Variants in CLPX observed in about 807,000 individuals in gnomAD.
CLPX encodes ATP-dependent clpX-like chaperone, mitochondrial.
CLPX carries 34 observed loss-of-function variants against 76.4 expected under a neutral mutation model. The observed-to-expected ratio is 0.45, with a 90% CI of 0.34 to 0.59. CLPX has a LOEUF of 0.59. Among genes scored for constraint, CLPX ranks in the 20% least tolerant of loss-of-function variants. CLPX has a pLI of 0.01. For synonymous variants in CLPX, 248 were observed against 270.9 expected, an observed-to-expected ratio of 0.92 and a Z score of 0.83; for missense variants, 613 against 757.0, an observed-to-expected ratio of 0.81 and a Z score of 2.23.
At chr15:65,173,773 T>TAC (rs2088046958) in intron 3 of CLPX, among the ~76,000 whole-genome samples, 3 of 152,210 alleles carry the variant, frequency 2.0e-5, no homozygotes, top group East Asian at 3.8e-4. Context: ...AAGGCTGGTA[T>TAC]GAAATGCCAC....
chr15:65,165,382 T>C (rs1441091527), intron 4 of CLPX, among the ~76,000 whole-genome samples: 3 of 137,404 alleles, frequency 2.2e-5, no homozygotes, highest in East Asian at 4.4e-4. Context: ...TGGATTTTTT[T>C]TTTTTTTTTT....
chr15:65,152,571 A>C, intron 12 of CLPX, 35 bp from the exon 13 acceptor site: 1 of 1,188,508 alleles, frequency 8.4e-7, no homozygotes, highest in Non-Finnish European at 1.2e-6. Flanking sequence ...CACATTGAAA[A>C]CAGATTACAT....
At chr15:65,157,651 A>T in intron 8 of CLPX, 95 bp downstream of exon 8, 1 of 1,139,386 alleles carries the variant, frequency 8.8e-7, no homozygotes, top group Non-Finnish European at 1.2e-6. Context: ...ACAGAATTTT[A>T]GTCCTTGACT....
At chr15:65,157,062 G>A (rs1363814893) in intron 8 of CLPX, 130 bp from the exon 9 acceptor site, 1 of 589,606 alleles carries the variant, frequency 1.7e-6, no homozygotes, top group East Asian at 2.9e-5. Flanking sequence ...CCAATAGCTT[G>A]ACATTATAAA....
Position 65,157,745 on chromosome 15 carries a change from C to T in CLPX, c.1057+1G>A. 1 of 1,612,186 alleles carries T rather than the reference C, an allele frequency of 6.2e-7. No individual in the cohort carries two copies. On this transcript the variant is annotated splice_donor_variant, in intron 8 of 13. Transcript: ENST00000300107. LOFTEE classifies it high-confidence loss of function. Reference sequence around the variant, plus strand: ...GGGGACAGACCATGCTGAAAACATACCTTGTTGTGCTTTTTCCACATTATA... The same window carrying T: ...GGGGACAGACCATGCTGAAAACATATCTTGTTGTGCTTTTTCCACATTATA...
chr15:65,184,902 T>C (rs901385742), intron 1 of CLPX, among the ~76,000 whole-genome samples, 173 bp downstream of exon 1: 7 of 152,198 alleles, frequency 4.6e-5, no homozygotes, highest in Admixed American at 1.3e-4. Flanking sequence ...GCTCCAGAGG[T>C]TGGCAGAGCC....
intron 3 of CLPX, among the ~76,000 whole-genome samples, chr15:65,175,993 C>T (rs921596373): frequency 1.2e-4 from 18 of 152,204 alleles, no homozygotes; most frequent in East Asian, 1.9e-4. Context: ...TGAATCAACA[C>T]ATTTGCTATT....
At chr15:65,176,509 G>A (rs1308055862) in intron 3 of CLPX, among the ~76,000 whole-genome samples, 1 of 151,964 alleles carries the variant, frequency 6.6e-6, no homozygotes, top group African/African-American at 2.4e-5. Context: ...AAGGGTGCAA[G>A]AATAAAACTA....
intron 3 of CLPX, among the ~76,000 whole-genome samples, chr15:65,167,783 G>T (rs970816137): frequency 3.9e-5 from 6 of 151,940 alleles, no homozygotes; most frequent in Non-Finnish European, 8.8e-5. Flanking sequence ...AGCTACTCGG[G>T]AGGCTGAGGC....
At position 65,158,734 on chromosome 15, in the gene CLPX, C is replaced by A; in HGVS notation, c.733G>T (p.Gly245Ter). The change falls in exon 7 of 14, where the codon GGA becomes TGA. Residue 245 changes from glycine to a stop codon, truncating the protein, a stop_gained. Transcript: ENST00000300107. LOFTEE classifies it high-confidence loss of function. Reference protein sequence around the residue: ...YRFTKLLQIAGISPHGNALGA... With the variant: ...YRFTKLLQIA The stretch of plus-strand genomic sequence containing the variant: ...AAAGCATTACCATGTGGGCTAATTC[C>A]AGCAATCTGAAGCAATTCTGAAAAA... The A allele has an allele frequency of 6.3e-7, 1 of 1,588,690 alleles. No homozygotes were observed. The highest frequency in any genetic ancestry group is 8.6e-7 in the Non-Finnish European group (1 of 1,168,452).
At chr15:65,155,161 T>G in intron 10 of CLPX, 80 bp from the exon 11 acceptor site, 2 of 1,201,084 alleles carry the variant, frequency 1.7e-6, no homozygotes, top group Non-Finnish European at 2.3e-6. Context: ...ATATTTCATA[T>G]GATCTTTGTA....
At chr15:65,152,634 A>G (rs1180069090) in intron 12 of CLPX, 98 bp from the exon 13 acceptor site, 1 of 368,178 alleles carries the variant, frequency 2.7e-6, no homozygotes, top group African/African-American at 2.2e-5. Context: ...ACTCAAGGAA[A>G]AAGAAACAAA....
intron 5 of CLPX, 72 bp downstream of exon 5, chr15:65,163,957 G>T: frequency 7.4e-7 from 1 of 1,343,148 alleles, no homozygotes; most frequent in Non-Finnish European, 1.1e-6. Context: ...TAAGAAGAAA[G>T]TGAGGAGTTA....
intron 13 of CLPX, among the ~76,000 whole-genome samples, chr15:65,151,232 C>A (rs2087715282): frequency 6.6e-6 from 1 of 150,944 alleles, no homozygotes; most frequent in African/African-American, 2.4e-5. Flanking sequence ...GTAGTCCCAG[C>A]TACTCAGGAG....
Position 65,148,963 on chromosome 15 carries a change from T to C in CLPX, c.*1860A>G, listed in dbSNP as rs2087685092. On this transcript the variant is annotated 3_prime_UTR_variant, in exon 14 of 14. Coordinates refer to ENST00000300107, the MANE Select transcript of CLPX (RefSeq NM_006660.5). ...CTGTATAATGAAGGTTAGTAACTTA[T>C]ATGTTAGTGTGAACACATTTACTTT... 1 of 152,246 alleles carries C rather than the reference T, an allele frequency of 6.6e-6. No homozygotes were observed. Among genetic ancestry groups the C allele is most frequent in the Non-Finnish European group, 1.5e-5 (1 of 68,044 alleles). 9.4% of individuals were successfully genotyped at this position (152,246 alleles called of 1,614,324 possible).
At chr15:65,182,925 G>C (rs2088194389) in intron 1 of CLPX, among the ~76,000 whole-genome samples, 1 of 152,088 alleles carries the variant, frequency 6.6e-6, no homozygotes. Flanking sequence ...CACTTTGGGA[G>C]GCCAAGGCGG....
At chr15:65,169,421 A>G (rs907799185) in intron 3 of CLPX, among the ~76,000 whole-genome samples, 26 of 151,490 alleles carry the variant, frequency 1.7e-4, no homozygotes, top group African/African-American at 6.1e-4. Flanking sequence ...TTTTCAAAAC[A>G]TGGTTATAGG....
At chr15:65,173,952 TG>T (rs2088050109) in intron 3 of CLPX, among the ~76,000 whole-genome samples, 1 of 152,168 alleles carries the variant, frequency 6.6e-6, no homozygotes, top group East Asian at 1.9e-4. Flanking sequence ...ATAGTGGAGA[TG>T]ATCATTCAAC....
intron 4 of CLPX, among the ~76,000 whole-genome samples, chr15:65,166,290 G>T (rs996466520): frequency 1.3e-5 from 2 of 152,090 alleles, no homozygotes; most frequent in African/African-American, 4.8e-5. Flanking sequence ...GCCTAGGCTG[G>T]TGTTATTTAA....
Sources: allele counts gnomAD v4.1 joint callset (sites outside exome capture counted in the v4.1 genomes callset), GRCh38; gene constraint gnomAD v4.1.1; transcripts MANE v1.5; gene names NCBI Gene and HGNC (gene_info 2026-07-23, HGNC 2026-07-21).